CD247: variants seen among roughly 807,000 people sequenced by gnomAD.
CD247 encodes T-cell surface glycoprotein CD3 zeta chain.
In CD247, 13 loss-of-function variants were observed where a neutral mutation model predicts 30.0. The ratio of observed to expected loss-of-function variants is 0.43; its 90% confidence interval spans 0.28 to 0.69. The LOEUF (loss-of-function observed/expected upper bound fraction) is 0.69, where lower values mean the gene tolerates loss of function less well. CD247 is among the 30% of genes least tolerant of loss of function. The pLI, the probability that CD247 is intolerant of heterozygous loss-of-function variation, is 0.16. For synonymous variants in CD247, 72 were observed against 80.0 expected, an observed-to-expected ratio of 0.90 and a Z score of 0.53; for missense variants, 193 against 212.6, an observed-to-expected ratio of 0.91 and a Z score of 0.57.
Position 167,438,620 on chromosome 1 carries a change from C to G in CD247, c.250G>C (p.Asp84His), listed in dbSNP as rs753572867. The change falls in exon 4 of 8, where the codon GAT becomes CAT. Residue 84 changes from aspartate (D) to histidine (H), a missense_variant. Asp to His is a moderately conservative substitution (Grantham distance 81). Transcript: ENST00000362089. ...CGGCCACGTCTCTTGTCCAAAACAT[C>G]GTACTCCTCTCTTCGTCCTAGATTG... ...ELNLGRREEY[D>H]VLDKRRGRDP... The G allele has an allele frequency of 1.1e-5, 17 of 1,613,956 alleles. No individual in the cohort carries two copies. Among genetic ancestry groups the G allele is most frequent in the Non-Finnish European group, 1.4e-5 (16 of 1,179,926 alleles).
chr1:167,507,055 C>G (rs1246336737), intron 1 of CD247, among the ~76,000 whole-genome samples: 1 of 151,846 alleles, frequency 6.6e-6, no homozygotes, highest in Non-Finnish European at 1.5e-5. Context: ...CACCACCATG[C>G]CCAGCTAATT....
At chr1:167,435,563 G>GT in intron 4 of CD247, 129 bp from the exon 5 acceptor site, 1 of 780,164 alleles carries the variant, frequency 1.3e-6, no homozygotes, top group South Asian at 1.4e-5. Flanking sequence ...TCTCCTCCCT[G>GT]TGCTACCCCA....
intron 1 of CD247, among the ~76,000 whole-genome samples, chr1:167,448,734 G>A (rs1194176390): frequency 3.3e-5 from 5 of 152,276 alleles, no homozygotes; most frequent in South Asian, 2.1e-4. Flanking sequence ...GGTGGCGGGC[G>A]CCTGTAATAC....
chr1:167,467,273 A>G (rs1011001575), intron 1 of CD247, among the ~76,000 whole-genome samples: 10 of 152,224 alleles, frequency 6.6e-5, no homozygotes, highest in Admixed American at 1.3e-4. Flanking sequence ...GCTCCTGGCT[A>G]ATTTCAAGGT....
chr1:167,442,026 G>A (rs1057098868), intron 1 of CD247, among the ~76,000 whole-genome samples: 9 of 152,124 alleles, frequency 5.9e-5, no homozygotes, highest in Admixed American at 1.3e-4. Context: ...CAGGAGAATC[G>A]CTGGAACCTG....
At chr1:167,473,923 G>T (rs548866704) in intron 1 of CD247, among the ~76,000 whole-genome samples, 222 of 152,218 alleles carry the variant, frequency 1.5e-3, no homozygotes, top group African/African-American at 5.2e-3. Flanking sequence ...CTACTTGGTT[G>T]CACCTTGCAT....
intron 1 of CD247, among the ~76,000 whole-genome samples, chr1:167,490,440 T>C (rs1312304711): frequency 6.6e-6 from 1 of 151,270 alleles, no homozygotes; most frequent in Admixed American, 6.6e-5. Context: ...CTGGCCAACA[T>C]GGTGAAACCC....
At chr1:167,448,139 T>C (rs1652181548) in intron 1 of CD247, among the ~76,000 whole-genome samples, 1 of 152,174 alleles carries the variant, frequency 6.6e-6, no homozygotes, top group South Asian at 2.1e-4. Context: ...AGAGTAATAG[T>C]TATAACCACT....
At chr1:167,470,872 C>CTT (rs768647657) in intron 1 of CD247, among the ~76,000 whole-genome samples, 37 of 134,242 alleles carry the variant, frequency 2.8e-4, no homozygotes, top group African/African-American at 3.9e-4. Context: ...TTCTTTCTTT[C>CTT]TTTTTTTTTT....
chr1:167,459,266 ATGT>A (rs1652878757), intron 1 of CD247, among the ~76,000 whole-genome samples: 1 of 151,942 alleles, frequency 6.6e-6, no homozygotes, highest in Non-Finnish European at 1.5e-5. Context: ...GTACCTCTAA[ATGT>A]AAAGAAATGG....
intron 1 of CD247, among the ~76,000 whole-genome samples, chr1:167,484,469 G>C (rs1377374374): frequency 6.6e-6 from 1 of 152,194 alleles, no homozygotes; most frequent in African/African-American, 2.4e-5. Flanking sequence ...GATTGCTCTG[G>C]CAGGAGCATT....
At chr1:167,443,990 C>T (rs769119559) in intron 1 of CD247, among the ~76,000 whole-genome samples, 2 of 152,160 alleles carry the variant, frequency 1.3e-5, no homozygotes, top group Non-Finnish European at 2.9e-5. Context: ...TGCTCTGTGC[C>T]GGGAACTATT....
intron 1 of CD247, among the ~76,000 whole-genome samples, chr1:167,458,137 T>C (rs1281994497): frequency 6.6e-6 from 1 of 152,226 alleles, no homozygotes; most frequent in East Asian, 1.9e-4. Context: ...AATACAGTAA[T>C]TTCTGATTCC....
At chr1:167,432,074 T>A (rs949282320) in intron 7 of CD247, among the ~76,000 whole-genome samples, 5 of 149,534 alleles carry the variant, frequency 3.3e-5, no homozygotes, top group African/African-American at 1.2e-4. Context: ...GAGAAAGGAG[T>A]CTCCCACCTC....
At chr1:167,510,643 C>G (rs896934503) in intron 1 of CD247, among the ~76,000 whole-genome samples, 1 of 152,216 alleles carries the variant, frequency 6.6e-6, no homozygotes, top group Non-Finnish European at 1.5e-5. Context: ...AAGGGCAGGT[C>G]TAACTGAGGG....
intron 1 of CD247, among the ~76,000 whole-genome samples, chr1:167,492,536 C>T (rs571697818): frequency 7.0e-4 from 106 of 152,332 alleles, no homozygotes; most frequent in African/African-American, 2.5e-3. Flanking sequence ...GTCTGGTGAG[C>T]TTCTGTGAAG....
chr1:167,435,702 T>G (rs761856794), intron 4 of CD247, among the ~76,000 whole-genome samples: 1 of 152,238 alleles, frequency 6.6e-6, no homozygotes, highest in Non-Finnish European at 1.5e-5. Flanking sequence ...GGGCAGGCCA[T>G]CGGGACGCCC....
Position 167,494,200 on chromosome 1 carries a change from T to C in CD247, c.58+24208A>G, listed in dbSNP as rs36026610. 0.02 allele frequency among the ~76,000 whole-genome samples: 3,080 copies of C among 152,234 alleles called. 85 individuals are homozygous for C. The highest frequency in any genetic ancestry group is 0.063 in the African/African-American group (2,626 of 41,520). ...TTGGGGGATGGAGGTGGCTAGTGAATAAAACACTTCTGAAGGGTCTTTGCT... is the reference window on the plus strand; with the variant it reads ...TTGGGGGATGGAGGTGGCTAGTGAACAAAACACTTCTGAAGGGTCTTTGCT... On this transcript the variant is annotated intron_variant, in intron 1 of 7. Transcript: ENST00000362089. The surrounding 1 kb of genome is among the most constrained non-coding windows in gnomAD (Gnocchi z 7.3).
chr1:167,482,171 T>A (rs1052487212), intron 1 of CD247, among the ~76,000 whole-genome samples: 6 of 152,158 alleles, frequency 3.9e-5, no homozygotes, highest in African/African-American at 1.4e-4. Flanking sequence ...CCACAGTAGG[T>A]TCAGCCCCCA....
Sources: allele counts gnomAD v4.1 joint callset (sites outside exome capture counted in the v4.1 genomes callset), GRCh38; gene constraint gnomAD v4.1.1; non-coding constraint Gnocchi (gnomAD v3.1); transcripts MANE v1.5; gene names NCBI Gene and HGNC (gene_info 2026-07-23, HGNC 2026-07-21).